TSHZ2: variants seen among roughly 807,000 people sequenced by gnomAD.
The protein encoded by TSHZ2 is teashirt homolog 2.
TSHZ2 carries 21 observed loss-of-function variants against 74.4 expected under a neutral mutation model. The observed-to-expected ratio is 0.28, with a 90% CI of 0.20 to 0.41. TSHZ2 has a LOEUF of 0.41. Among genes scored for constraint, TSHZ2 ranks in the 10% least tolerant of loss-of-function variants. The pLI is 1.00. For missense variants in TSHZ2, 1,244 were observed against 1,293.5 expected (o/e 0.96, Z 0.59); for synonymous variants, 540 against 515.3 (o/e 1.05, Z -0.65).
chr20:53,008,175 G>A (rs1259834544), intron 1 of TSHZ2, among the ~76,000 whole-genome samples: 4 of 152,146 alleles, frequency 2.6e-5, no homozygotes, highest in African/African-American at 9.7e-5. Context: ...TGAACAGTGT[G>A]TTTAGTCTTT....
intron 2 of TSHZ2, among the ~76,000 whole-genome samples, chr20:53,288,405 C>T (rs1045733202): frequency 1.1e-4 from 10 of 87,956 alleles, no homozygotes; most frequent in African/African-American, 6.4e-4. Context: ...AGCAAGACTC[C>T]GTTTCAAAAA....
At chr20:53,414,118 C>T (rs985424019) in intron 2 of TSHZ2, among the ~76,000 whole-genome samples, 1 of 151,530 alleles carries the variant, frequency 6.6e-6, no homozygotes, top group Non-Finnish European at 1.5e-5. Flanking sequence ...AAGACCTTAT[C>T]TCAAAAAATA....
At chr20:53,347,244 C>G (rs370130074) in intron 2 of TSHZ2, among the ~76,000 whole-genome samples, 7 of 152,310 alleles carry the variant, frequency 4.6e-5, no homozygotes. Flanking sequence ...AGAAGCATCT[C>G]TAGCCTCCAC....
intron 1 of TSHZ2, among the ~76,000 whole-genome samples, chr20:53,014,952 G>C (rs1198092331): frequency 1.3e-5 from 2 of 152,118 alleles, no homozygotes; most frequent in Non-Finnish European, 2.9e-5. Context: ...TGCATTTAAA[G>C]CCTAATTCTT....
chr20:53,000,061 A>G (rs1445003342), intron 1 of TSHZ2, among the ~76,000 whole-genome samples: 8 of 152,220 alleles, frequency 5.3e-5, no homozygotes, highest in Middle Eastern at 3.2e-3. Context: ...CAGACGTCCA[A>G]TGAGTCTTTT....
intron 1 of TSHZ2, among the ~76,000 whole-genome samples, chr20:53,079,045 A>G (rs181424765): frequency 6.6e-6 from 1 of 152,356 alleles, no homozygotes; most frequent in African/African-American, 2.4e-5. Context: ...AGAAAGGCCA[A>G]TATCCAACAT....
intron 2 of TSHZ2, among the ~76,000 whole-genome samples, chr20:53,369,726 G>T (rs376099186): frequency 2.2e-4 from 33 of 151,940 alleles, no homozygotes; most frequent in East Asian, 1.2e-3. Context: ...AAAGAAAAAA[G>T]TCCCTGAGGA....
intron 1 of TSHZ2, among the ~76,000 whole-genome samples, chr20:53,072,989 TCATCCATCCCTCCCTC>T (rs752288062): frequency 1.7e-4 from 17 of 101,714 alleles, no homozygotes; most frequent in East Asian, 9.7e-4. Context: ...ATCCCTCCCT[TCATCCATCCCTCCCTC>T]CATCCATCCC....
intron 1 of TSHZ2, among the ~76,000 whole-genome samples, chr20:53,163,345 G>A (rs374323226): frequency 5.2e-5 from 7 of 133,858 alleles, no homozygotes; most frequent in South Asian, 2.6e-4. Context: ...TTAAGTGCAC[G>A]CACGCTCTCT....
chr20:53,015,272 T>C (rs981455612), intron 1 of TSHZ2, among the ~76,000 whole-genome samples: 2 of 152,218 alleles, frequency 1.3e-5, no homozygotes, highest in African/African-American at 4.8e-5. Flanking sequence ...GCAGTTACCA[T>C]TGTATGAAAT....
chr20:53,196,977 CTG>C (rs1190378769), intron 1 of TSHZ2, among the ~76,000 whole-genome samples: 2 of 152,366 alleles, frequency 1.3e-5, no homozygotes, highest in South Asian at 4.1e-4. Flanking sequence ...AAATTTCAAG[CTG>C]TGTGTGTCTA....
chr20:53,056,986 C>T (rs1317922937), intron 1 of TSHZ2, among the ~76,000 whole-genome samples: 1 of 152,106 alleles, frequency 6.6e-6, no homozygotes, highest in Non-Finnish European at 1.5e-5. Context: ...GTGGGAGGGA[C>T]CTGGTGGGAG....
intron 2 of TSHZ2, among the ~76,000 whole-genome samples, chr20:53,316,450 G>T (rs997542600): frequency 2.0e-5 from 3 of 152,154 alleles, no homozygotes; most frequent in Non-Finnish European, 2.9e-5. Flanking sequence ...TGAAATGCAG[G>T]CAGAGAAATG....
At position 53,367,352 on chromosome 20, in the gene TSHZ2, C is replaced by T. The variant is rs372703270; in HGVS notation, c.*8+110781C>T. On this transcript the variant is annotated intron_variant, in intron 2 of 2. Coordinates refer to ENST00000371497, the MANE Select transcript of TSHZ2 (RefSeq NM_173485.6). ...CTGGGAGGCGGAGGCTGCAGTGAGC[C>T]GAGATCAGGCCACTGCACTCCAGCC... Among the ~76,000 whole-genome samples the T allele has an allele frequency of 4.6e-5, 7 of 151,516 alleles. No homozygotes were observed. In the East Asian group the frequency reaches 5.9e-4, roughly 13 times the overall value.
chr20:53,031,278 G>GTCCT (rs1039097291), intron 1 of TSHZ2, among the ~76,000 whole-genome samples: 45 of 152,290 alleles, frequency 3.0e-4, no homozygotes, highest in African/African-American at 1.1e-3. Flanking sequence ...GGGCCTGGAG[G>GTCCT]TCCTCTCTGA....
At chr20:53,026,737 T>C (rs1434242450) in intron 1 of TSHZ2, among the ~76,000 whole-genome samples, 1 of 152,230 alleles carries the variant, frequency 6.6e-6, no homozygotes, top group African/African-American at 2.4e-5. Flanking sequence ...AATATTATTA[T>C]ACTTAAAGTA....
chr20:53,196,366 T>TAAAAAAAAAAAAAAAAAAAAAAAAAA (rs34385917), intron 1 of TSHZ2: 4 of 109,690 alleles, frequency 3.6e-5, no homozygotes, highest in Admixed American at 1.1e-4. Context: ...AATCTGCTGC[T>TAAAAAAAAAAAAAAAAAAAAAAAAAA]AAAAAAAAAA....
intron 2 of TSHZ2, among the ~76,000 whole-genome samples, chr20:53,463,242 G>A (rs1429568908): frequency 1.3e-5 from 2 of 152,054 alleles, no homozygotes; most frequent in African/African-American, 4.8e-5. Flanking sequence ...TGCAGTTTTA[G>A]GATTGGGTGC....
chr20:53,320,538 T>C (rs1312867129), intron 2 of TSHZ2, among the ~76,000 whole-genome samples: 3 of 152,018 alleles, frequency 2.0e-5, no homozygotes, highest in Non-Finnish European at 2.9e-5. Flanking sequence ...ACTATAACAA[T>C]GAAAATGCAA....
Sources: gnomAD v4.1 joint callset for allele counts (sites outside exome capture counted in the v4.1 genomes callset) on GRCh38, gnomAD v4.1.1 for gene constraint, MANE v1.5 for transcripts, NCBI Gene and HGNC (gene_info 2026-07-23, HGNC 2026-07-21) for gene names.